DCLK1: variants seen among roughly 807,000 people sequenced by gnomAD.
The protein encoded by DCLK1 is doublecortin like kinase 1.
Under a neutral mutation model 86.2 loss-of-function variants are expected in DCLK1, and 16 were observed. That is an observed-to-expected ratio of 0.19 (90% confidence interval 0.13 to 0.28). The LOEUF (loss-of-function observed/expected upper bound fraction) is 0.28. Ranked by LOEUF, DCLK1 falls within the 10% of genes least tolerant of loss-of-function variation. DCLK1 has a pLI of 1.00. For missense variants in DCLK1, 590 were observed against 940.2 expected (o/e 0.63, Z 4.87); for synonymous variants, 369 against 370.5 (o/e 1.00, Z 0.05).
intron 4 of DCLK1, among the ~76,000 whole-genome samples, chr13:35,925,445 G>A (rs1876059421): frequency 1.3e-5 from 2 of 152,176 alleles, no homozygotes. Flanking sequence ...CCACGTGAAG[G>A]CAAAGCTGCA....
chr13:35,994,222 C>A (rs1880376704), intron 3 of DCLK1, among the ~76,000 whole-genome samples: 1 of 152,140 alleles, frequency 6.6e-6, no homozygotes, highest in Admixed American at 6.5e-5. Flanking sequence ...TCCAGGTGGG[C>A]AGCTCTTCTA....
At chr13:36,000,733 C>T (rs1880675844) in intron 3 of DCLK1, among the ~76,000 whole-genome samples, 3 of 151,980 alleles carry the variant, frequency 2.0e-5, no homozygotes, top group Non-Finnish European at 2.9e-5. Context: ...TACAAGAAAA[C>T]AAAAGCAAAA....
chr13:36,078,972 C>G (rs1884317964), intron 3 of DCLK1, among the ~76,000 whole-genome samples: 1 of 152,120 alleles, frequency 6.6e-6, no homozygotes, highest in Admixed American at 6.5e-5. Context: ...GACAGATACT[C>G]AGAAAAGGAG....
At chr13:35,845,074 C>T (rs559712911) in intron 6 of DCLK1, among the ~76,000 whole-genome samples, 1 of 152,060 alleles carries the variant, frequency 6.6e-6, no homozygotes, top group Non-Finnish European at 1.5e-5. Context: ...ATGGCGAAAC[C>T]CTGTCTCTAC....
intron 4 of DCLK1, among the ~76,000 whole-genome samples, chr13:35,936,532 A>G (rs1447498912): frequency 6.6e-6 from 1 of 152,228 alleles, no homozygotes; most frequent in Non-Finnish European, 1.5e-5. Flanking sequence ...TGTGAATTCC[A>G]TCATTCCAAA....
intron 4 of DCLK1, among the ~76,000 whole-genome samples, chr13:35,887,410 T>C (rs904351216): frequency 4.6e-5 from 7 of 152,142 alleles, no homozygotes; most frequent in African/African-American, 1.7e-4. Flanking sequence ...ATATCTGCCA[T>C]CATATAAGTG....
chr13:35,997,941 C>T (rs1880542818), intron 3 of DCLK1, among the ~76,000 whole-genome samples: 1 of 152,142 alleles, frequency 6.6e-6, no homozygotes, highest in Admixed American at 6.6e-5. Context: ...TCTACTTTCC[C>T]ACTAAGTGTG....
chr13:36,064,202 T>C (rs959717226), intron 3 of DCLK1, among the ~76,000 whole-genome samples: 7 of 152,204 alleles, frequency 4.6e-5, no homozygotes. Flanking sequence ...AAGCATCCAC[T>C]AATCTGAGAA....
At chr13:36,033,002 G>C (rs1457679454) in intron 3 of DCLK1, among the ~76,000 whole-genome samples, 1 of 152,188 alleles carries the variant, frequency 6.6e-6, no homozygotes, top group East Asian at 1.9e-4. Flanking sequence ...ACGTGGATGG[G>C]TGAGGAATGG....
intron 3 of DCLK1, among the ~76,000 whole-genome samples, chr13:35,960,185 C>T (rs1878379834): frequency 6.6e-6 from 1 of 152,160 alleles, no homozygotes; most frequent in Admixed American, 6.5e-5. Flanking sequence ...CCCTTTCTCC[C>T]CCCTTAATCC....
intron 3 of DCLK1, among the ~76,000 whole-genome samples, chr13:35,990,418 A>G (rs1368731997): frequency 2.0e-5 from 3 of 151,828 alleles, no homozygotes; most frequent in Non-Finnish European, 2.9e-5. Context: ...TTCAGTCCCA[A>G]TTGGCTATTG....
intron 3 of DCLK1, among the ~76,000 whole-genome samples, chr13:35,958,949 A>C (rs554640359): frequency 6.6e-6 from 1 of 152,344 alleles, no homozygotes. Flanking sequence ...GCATAATTGT[A>C]TTAAGATCTA....
At chr13:36,083,581 A>T (rs1242663272) in intron 3 of DCLK1, among the ~76,000 whole-genome samples, 1 of 152,250 alleles carries the variant, frequency 6.6e-6, no homozygotes, top group Admixed American at 6.5e-5. Flanking sequence ...TTGAAAGTGG[A>T]ATAGATTCTA....
chr13:36,004,410 T>A (rs370526877), intron 3 of DCLK1, among the ~76,000 whole-genome samples: 5 of 152,110 alleles, frequency 3.3e-5, no homozygotes, highest in African/African-American at 9.7e-5. Context: ...ACCTGGCACA[T>A]AGTGGGGGCT....
chr13:35,795,567 G>A (rs544052987), intron 15 of DCLK1, among the ~76,000 whole-genome samples: 45 of 152,276 alleles, frequency 3.0e-4, no homozygotes, highest in African/African-American at 9.4e-4. Flanking sequence ...AGGATTATGC[G>A]TCCAGAGTTC....
chr13:35,825,184 C>T (rs2087490381), intron 10 of DCLK1, among the ~76,000 whole-genome samples: 1 of 152,168 alleles, frequency 6.6e-6, no homozygotes, highest in African/African-American at 2.4e-5. Flanking sequence ...TGGGACATCC[C>T]TGGGCCCTGA....
intron 3 of DCLK1, among the ~76,000 whole-genome samples, chr13:35,956,888 G>A (rs879036404): frequency 1.3e-5 from 2 of 152,106 alleles, no homozygotes; most frequent in Non-Finnish European, 2.9e-5. Context: ...GTGGTACTAC[G>A]TAAACCCATA....
chr13:36,112,290 T>G (rs1219624269), intron 2 of DCLK1, 75 bp from the exon 3 acceptor site: 11 of 1,179,834 alleles, frequency 9.3e-6, no homozygotes, highest in African/African-American at 1.5e-5. Context: ...TCCTCTCTTT[T>G]GCCTTTTCTG....
chr13:35,888,305 T>G (rs1048780736), intron 4 of DCLK1, among the ~76,000 whole-genome samples: 1 of 152,218 alleles, frequency 6.6e-6, no homozygotes, highest in Non-Finnish European at 1.5e-5. Flanking sequence ...CTATTCCAAA[T>G]GACAGACATT....
Sources: gnomAD v4.1 joint callset for allele counts (sites outside exome capture counted in the v4.1 genomes callset) on GRCh38, gnomAD v4.1.1 for gene constraint, MANE v1.5 for transcripts, NCBI Gene and HGNC (gene_info 2026-07-23, HGNC 2026-07-21) for gene names.